ABTB3: variants seen among roughly 807,000 people sequenced by gnomAD.
The protein encoded by ABTB3 is ankyrin repeat and BTB domain containing 3, also known as ankyrin repeat- and BTB/POZ domain-containing protein 3.
the ABTB3 span, among the ~76,000 whole-genome samples, chr12:107,476,931 A>C: frequency 6.6e-6 from 1 of 152,150 alleles, no homozygotes; most frequent in Non-Finnish European, 1.5e-5. Flanking sequence ...ATATTCATAT[A>C]GGTGCTCAAT....
the ABTB3 span, among the ~76,000 whole-genome samples, chr12:107,540,098 C>G: frequency 6.6e-6 from 1 of 152,172 alleles, no homozygotes; most frequent in African/African-American, 2.4e-5. Flanking sequence ...TTGTGCTGCT[C>G]TAACAAAACT....
At chr12:107,418,748 C>T in the ABTB3 span, among the ~76,000 whole-genome samples, 17 of 152,296 alleles carry the variant, frequency 1.1e-4, no homozygotes, top group East Asian at 3.9e-4. Context: ...CAGGACCCCA[C>T]GCTTCTCTAA....
the ABTB3 span, among the ~76,000 whole-genome samples, chr12:107,330,093 T>A: frequency 1.3e-5 from 2 of 152,054 alleles, no homozygotes; most frequent in Non-Finnish European, 2.9e-5. Flanking sequence ...ACTTGGTGAA[T>A]GCGAACTGCA....
chr12:107,605,179 A>T, the ABTB3 span, among the ~76,000 whole-genome samples: 17 of 152,348 alleles, frequency 1.1e-4, no homozygotes, highest in East Asian at 2.7e-3. Flanking sequence ...GATTTTTTTT[A>T]AAAGAATGAA....
the ABTB3 span, among the ~76,000 whole-genome samples, chr12:107,357,864 C>T: frequency 6.6e-6 from 1 of 152,210 alleles, no homozygotes; most frequent in African/African-American, 2.4e-5. Context: ...TATTTCTGGG[C>T]ATTTAAAGCC....
chr12:107,364,851 T>C, the ABTB3 span, among the ~76,000 whole-genome samples: 2 of 152,192 alleles, frequency 1.3e-5, no homozygotes, highest in Non-Finnish European at 2.9e-5. Flanking sequence ...CAAAATTTTA[T>C]TTTAAATTTT....
the ABTB3 span, among the ~76,000 whole-genome samples, chr12:107,561,055 G>A: frequency 2.6e-5 from 4 of 152,262 alleles, no homozygotes; most frequent in South Asian, 2.1e-4. Context: ...GTGTGCTGGC[G>A]GAAGAAGGTG....
the ABTB3 span, among the ~76,000 whole-genome samples, chr12:107,376,985 G>A: frequency 6.0e-4 from 92 of 152,206 alleles, 1 homozygote; most frequent in South Asian, 0.013. Context: ...AAGAAAAAGC[G>A]TCAGTGGCTA....
At chr12:107,413,140 G>A in the ABTB3 span, among the ~76,000 whole-genome samples, 1 of 152,140 alleles carries the variant, frequency 6.6e-6, no homozygotes, top group Non-Finnish European at 1.5e-5. Context: ...CGGGCGTGGT[G>A]GTGGGCGCCT....
chr12:107,648,421 A>G, the ABTB3 span, among the ~76,000 whole-genome samples: 1 of 103,320 alleles, frequency 9.7e-6, no homozygotes, highest in Non-Finnish European at 2.1e-5. Flanking sequence ...CACAAAGACA[A>G]TAGGAAGTAG....
At chr12:107,460,365 C>T in the ABTB3 span, among the ~76,000 whole-genome samples, 1 of 152,194 alleles carries the variant, frequency 6.6e-6, no homozygotes, top group African/African-American at 2.4e-5. Context: ...TTTGAAAACT[C>T]TAGTTCTGGC....
At chr12:107,523,716 G>A in the ABTB3 span, among the ~76,000 whole-genome samples, 3 of 152,136 alleles carry the variant, frequency 2.0e-5, no homozygotes, top group African/African-American at 7.2e-5. Context: ...ATTTTAATAC[G>A]TACTCGGGGC....
chr12:107,523,616 G>C, the ABTB3 span, among the ~76,000 whole-genome samples: 1 of 152,136 alleles, frequency 6.6e-6, no homozygotes, highest in African/African-American at 2.4e-5. Context: ...TATAGCAGCA[G>C]GTCAGATGAC....
the ABTB3 span, among the ~76,000 whole-genome samples, chr12:107,527,104 T>G: frequency 1.3e-5 from 2 of 152,092 alleles, no homozygotes; most frequent in Non-Finnish European, 2.9e-5. Context: ...AGAGATGCCC[T>G]CCATGACTGC....
chr12:107,409,551 T>C, the ABTB3 span, among the ~76,000 whole-genome samples: 1 of 152,232 alleles, frequency 6.6e-6, no homozygotes, highest in Admixed American at 6.5e-5. Flanking sequence ...TCATGTCCTT[T>C]GCAGCGACAT....
At chr12:107,469,866 T>TC in the ABTB3 span, among the ~76,000 whole-genome samples, 356 of 75,588 alleles carry the variant, frequency 4.7e-3, 7 homozygotes, top group African/African-American at 0.016. Flanking sequence ...TCTTTCTTTC[T>TC]TTTCTTTCTT....
the ABTB3 span, among the ~76,000 whole-genome samples, chr12:107,655,074 C>T: frequency 1.3e-5 from 2 of 152,138 alleles, no homozygotes; most frequent in Non-Finnish European, 2.9e-5. Context: ...AGTGGCTTTT[C>T]TGTGGCCTAC....
chr12:107,517,829 A>C, the ABTB3 span, among the ~76,000 whole-genome samples: 2 of 152,158 alleles, frequency 1.3e-5, no homozygotes, highest in Admixed American at 6.5e-5. Context: ...GAACAGGCAA[A>C]CTACAGAATG....
the ABTB3 span, among the ~76,000 whole-genome samples, chr12:107,470,229 G>A: frequency 2.6e-5 from 4 of 151,672 alleles, no homozygotes; most frequent in African/African-American, 9.7e-5. Flanking sequence ...AATAGATATG[G>A]AGTTTCAGCA....
Sources: allele counts gnomAD v4.1 joint callset (sites outside exome capture counted in the v4.1 genomes callset), GRCh38; gene constraint gnomAD v4.1.1; transcripts MANE v1.5; gene names NCBI Gene and HGNC (gene_info 2026-07-23, HGNC 2026-07-21).